MAD1L1: variants seen among roughly 807,000 people sequenced by gnomAD.
The protein encoded by MAD1L1 is mitotic arrest deficient 1 like 1, also known as mitotic spindle assembly checkpoint protein MAD1.
Under a neutral mutation model 96.9 loss-of-function variants are expected in MAD1L1, and 95 were observed. The ratio of observed to expected loss-of-function variants is 0.98; its 90% CI spans 0.83 to 1.16. The LOEUF (loss-of-function observed/expected upper bound fraction) is 1.16, where lower values mean the gene tolerates loss of function less well. MAD1L1 is among the 50% of genes most tolerant of loss of function. The pLI is 0.00. For missense variants in MAD1L1, 1,007 were observed against 954.4 expected, an observed-to-expected ratio of 1.06 and a Z score of -0.73; for synonymous variants, 473 against 396.6, an observed-to-expected ratio of 1.19 and a Z score of -2.29.
intron 13 of MAD1L1, among the ~76,000 whole-genome samples, chr7:2,008,981 C>T (rs894929532): frequency 1.3e-5 from 2 of 152,198 alleles, no homozygotes; most frequent in African/African-American, 4.8e-5. Flanking sequence ...GGTTTCATCA[C>T]ATGGCGGGAA....
At chr7:2,009,904 C>T (rs142864470) in intron 13 of MAD1L1, among the ~76,000 whole-genome samples, 24 of 152,054 alleles carry the variant, frequency 1.6e-4, no homozygotes, top group African/African-American at 5.8e-4. Context: ...CCCGGCTCAG[C>T]GCAGTTCTGT....
chr7:1,824,885 T>A (rs532789240), intron 18 of MAD1L1, among the ~76,000 whole-genome samples: 1 of 151,620 alleles, frequency 6.6e-6, no homozygotes, highest in East Asian at 2.0e-4. Context: ...GGGAGAAGAC[T>A]CAGCAGCGTC....
intron 11 of MAD1L1, among the ~76,000 whole-genome samples, chr7:2,122,416 T>C (rs1044853974): frequency 1.3e-5 from 2 of 151,954 alleles, no homozygotes; most frequent in Admixed American, 6.6e-5. Flanking sequence ...TCACCTGAGG[T>C]TGGGAGTTCG....
chr7:2,219,390 C>T lies in MAD1L1; in HGVS notation c.538G>A (p.Val180Met). Residue 180 changes from valine to methionine, a missense_variant, in exon 6 of 19, where the codon GTG (valine) becomes ATG (methionine). Coordinates refer to ENST00000265854, the MANE Select transcript of MAD1L1 (RefSeq NM_001013836.2). ...TGCTTCTCCGACTCCAGGCGCTTCA[C>T]CCGCATCTCCTGGTCCATCACGCTC... ...QWSVMDQEMR[V>M]KRLESEKQEL... The T allele has an allele frequency of 6.2e-7, 1 of 1,610,774 alleles. No homozygotes were observed.
At chr7:2,136,568 C>A (rs1346258285) in intron 11 of MAD1L1, among the ~76,000 whole-genome samples, 1 of 152,214 alleles carries the variant, frequency 6.6e-6, no homozygotes, top group African/African-American at 2.4e-5. Context: ...ACACCAACAC[C>A]CTCCCTCAGA....
At chr7:1,842,927 G>T (rs1277145894) in intron 18 of MAD1L1, among the ~76,000 whole-genome samples, 1 of 152,252 alleles carries the variant, frequency 6.6e-6, no homozygotes, top group African/African-American at 2.4e-5. Flanking sequence ...GAGCTCAGGG[G>T]CTGGCTGGGG....
intron 17 of MAD1L1, among the ~76,000 whole-genome samples, chr7:1,927,396 A>G (rs1789151201): frequency 6.6e-6 from 1 of 152,218 alleles, no homozygotes; most frequent in African/African-American, 2.4e-5. Flanking sequence ...AATCTTGTCC[A>G]TAAAGTGGGG....
chr7:2,218,078 G>A (rs1237046467), intron 6 of MAD1L1, 35 bp from the exon 7 acceptor site: 7 of 1,537,780 alleles, frequency 4.6e-6, no homozygotes, highest in Non-Finnish European at 6.3e-6. Flanking sequence ...CACAGAAACA[G>A]GCATGCGGCA....
At chr7:1,858,476 G>A (rs1415464207) in intron 18 of MAD1L1, among the ~76,000 whole-genome samples, 1 of 152,222 alleles carries the variant, frequency 6.6e-6, no homozygotes, top group African/African-American at 2.4e-5. Flanking sequence ...TGGCGTCCAC[G>A]GCGTCTCCGG....
At chr7:1,849,611 GC>G (rs1158963105) in intron 18 of MAD1L1, 1 of 152,246 alleles carries the variant, frequency 6.6e-6, no homozygotes, top group South Asian at 2.1e-4. Flanking sequence ...GCTCGGCGTG[GC>G]CCAAGAACGG....
At chr7:2,211,452 T>G (rs1434160050) in intron 10 of MAD1L1, among the ~76,000 whole-genome samples, 2 of 152,208 alleles carry the variant, frequency 1.3e-5, no homozygotes, top group Non-Finnish European at 2.9e-5. Flanking sequence ...TGACACCCAG[T>G]GCTCCAGGGC....
intron 18 of MAD1L1, among the ~76,000 whole-genome samples, chr7:1,890,662 G>A (rs1299795494): frequency 6.6e-6 from 1 of 152,190 alleles, no homozygotes; most frequent in South Asian, 2.1e-4. Flanking sequence ...AGGCTGTGCC[G>A]GCCACTACAG....
At chr7:2,067,298 G>T (rs1051181463) in intron 12 of MAD1L1, among the ~76,000 whole-genome samples, 1 of 151,870 alleles carries the variant, frequency 6.6e-6, no homozygotes, top group Non-Finnish European at 1.5e-5. Flanking sequence ...GGCACCCGGG[G>T]TCATCAGGCC....
chr7:2,092,227 C>T (rs1018990305), intron 11 of MAD1L1, among the ~76,000 whole-genome samples: 1 of 152,140 alleles, frequency 6.6e-6, no homozygotes, highest in African/African-American at 2.4e-5. Context: ...AATTTGCAAT[C>T]CCCCAAAGAC....
chr7:1,961,448 T>TTGAAAAATA (rs1371863086), intron 15 of MAD1L1, among the ~76,000 whole-genome samples: 4 of 152,110 alleles, frequency 2.6e-5, no homozygotes, highest in African/African-American at 9.7e-5. Flanking sequence ...CAACCAATTT[T>TTGAAAAATA]TGAAAAATAT....
At chr7:2,012,785 C>T (rs1414418503) in intron 13 of MAD1L1, among the ~76,000 whole-genome samples, 2 of 152,178 alleles carry the variant, frequency 1.3e-5, no homozygotes, top group African/African-American at 2.4e-5. Context: ...CAAGGGGTAG[C>T]GAGTGCATGT....
intron 11 of MAD1L1, among the ~76,000 whole-genome samples, chr7:2,085,145 G>A (rs1785845685): frequency 6.6e-6 from 1 of 152,204 alleles, no homozygotes. Flanking sequence ...CAGCTCACAT[G>A]CTAGCCACGG....
At chr7:2,116,139 C>A (rs1787678011) in intron 11 of MAD1L1, among the ~76,000 whole-genome samples, 1 of 152,256 alleles carries the variant, frequency 6.6e-6, no homozygotes, top group African/African-American at 2.4e-5. Context: ...ACTGTCCACA[C>A]TGACGTGTTG....
At chr7:1,881,300 G>A (rs982381789) in intron 18 of MAD1L1, among the ~76,000 whole-genome samples, 1 of 152,126 alleles carries the variant, frequency 6.6e-6, no homozygotes, top group South Asian at 2.1e-4. Context: ...GCTTGTGGGA[G>A]TTATTTATAT....
Sources: gnomAD v4.1 joint callset for allele counts (sites outside exome capture counted in the v4.1 genomes callset) on GRCh38, gnomAD v4.1.1 for gene constraint, MANE v1.5 for transcripts, NCBI Gene and HGNC (gene_info 2026-07-23, HGNC 2026-07-21) for gene names.